Variants in MYH10 observed in about 807,000 individuals in gnomAD.
MYH10 encodes the protein myosin heavy chain 10, also known as myosin-10.
In MYH10, 55 loss-of-function variants were observed where a neutral mutation model predicts 257.8. The observed-to-expected ratio is 0.21, with a 90% CI of 0.17 to 0.27. The LOEUF is 0.27. MYH10 is among the 10% of genes least tolerant of loss of function. The pLI is 1.00. For missense variants in MYH10, 1,631 were observed against 2,500.6 expected, an observed-to-expected ratio of 0.65 and a Z score of 7.42; for synonymous variants, 854 against 921.7, an observed-to-expected ratio of 0.93 and a Z score of 1.33.
At chr17:8,621,927 A>G (rs2085482988) in intron 2 of MYH10, among the ~76,000 whole-genome samples, 1 of 152,198 alleles carries the variant, frequency 6.6e-6, no homozygotes, top group Admixed American at 6.5e-5. Context: ...AAAGGCAGAG[A>G]GACCTGGCCT....
At chr17:8,514,678 C>T (rs1052817825) in intron 21 of MYH10, among the ~76,000 whole-genome samples, 3 of 151,926 alleles carry the variant, frequency 2.0e-5, no homozygotes, top group African/African-American at 4.8e-5. Flanking sequence ...CATTACCTTG[C>T]GGTTCCTTCG....
In MYH10 at chr17:8,506,415, C is replaced by T; in HGVS notation, c.3289G>A (p.Asp1097Asn). Residue 1097 changes from aspartate (D) to asparagine (N), a missense_variant, in exon 27 of 43, where the codon GAC (aspartate) becomes AAC (asparagine). Asp to Asn is a conservative substitution (Grantham distance 23, BLOSUM62 1). Coordinates refer to ENST00000360416, the MANE Select transcript of MYH10 (RefSeq NM_001256012.3). The surrounding 1 kb of genome is among the most constrained non-coding windows in gnomAD (Gnocchi z 5.0). ...AKRKLDGETT[D>N]LQDQIAELQA... ...AGCTCTGCGATCTGGTCCTGCAGGT[C>T]GGTCGTCTCCCCGTCGAGTTTTCTT... The T allele has an allele frequency of 1.9e-6, 3 of 1,612,756 alleles. No homozygotes were observed. Among genetic ancestry groups the T allele is most frequent in the South Asian group, 1.1e-5 (1 of 90,814 alleles).
At chr17:8,548,260 G>C in intron 11 of MYH10, 53 bp downstream of exon 11, 1 of 1,412,176 alleles carries the variant, frequency 7.1e-7, no homozygotes, top group East Asian at 2.3e-5. Flanking sequence ...CACCTTCTTA[G>C]AGAGCACAAC....
Position 8,504,672 on chromosome 17 carries a change from C to T in MYH10, c.3599+22G>A. Reference sequence around the variant, plus strand: ...GGAGAGGTCGGCAGGCGCCCGGGCCCTGCTTCCTCTCCCACACTCACCGTA... The same window carrying T: ...GGAGAGGTCGGCAGGCGCCCGGGCCTTGCTTCCTCTCCCACACTCACCGTA... On this transcript the variant is annotated intron_variant, in intron 28 of 42. Coordinates refer to ENST00000360416, the MANE Select transcript of MYH10 (RefSeq NM_001256012.3). The surrounding 1 kb of genome is among the most constrained non-coding windows in gnomAD (Gnocchi z 5.6). 6.2e-7 allele frequency: 1 copy of T among 1,607,414 alleles called. No individual in the cohort carries two copies. The highest frequency in any genetic ancestry group is 8.5e-7 in the Non-Finnish European group (1 of 1,175,544).
At chr17:8,484,312 T>G in intron 36 of MYH10, 46 bp from the exon 37 acceptor site, 1 of 1,564,696 alleles carries the variant, frequency 6.4e-7, no homozygotes. Context: ...ATTCTTAGTT[T>G]TAGTTAAAAT....
intron 7 of MYH10, among the ~76,000 whole-genome samples, chr17:8,558,116 A>G (rs2082868566): frequency 6.6e-6 from 1 of 152,222 alleles, no homozygotes; most frequent in Non-Finnish European, 1.5e-5. Flanking sequence ...GTTTTGTTTT[A>G]TGGTGTGGAG....
At chr17:8,549,812 A>C (rs1597802064) in intron 9 of MYH10, among the ~76,000 whole-genome samples, 2 of 148,804 alleles carry the variant, frequency 1.3e-5, no homozygotes, top group African/African-American at 2.5e-5. Context: ...GATTCTCCTG[A>C]CTCAGCCTGC....
At chr17:8,519,184 G>A (rs2081569989) in intron 19 of MYH10, among the ~76,000 whole-genome samples, 2 of 152,196 alleles carry the variant, frequency 1.3e-5, no homozygotes, top group South Asian at 2.1e-4. Context: ...GTAGGTTTAG[G>A]AGGTTGTGGC....
chr17:8,544,999 G>A (rs2082400968), intron 13 of MYH10, among the ~76,000 whole-genome samples: 1 of 152,068 alleles, frequency 6.6e-6, no homozygotes, highest in Non-Finnish European at 1.5e-5. Context: ...ATGGTCTCTC[G>A]ACCTGGCCCC....
Position 8,535,248 on chromosome 17 carries a change from C to T in MYH10, c.1894+139G>A, listed in dbSNP as rs2082109440. On this transcript the variant is annotated intron_variant, in intron 16 of 42. Coordinates refer to ENST00000360416, the MANE Select transcript of MYH10 (RefSeq NM_001256012.3). This position sits in a 1 kb window ranked among gnomAD's most constrained non-coding sequence, Gnocchi z 4.3. ...TTAAAACGGATAAATTCCGATATAA[C>T]GGCAGCCCTGCTCTAGGGAAAGAAA... The T allele has an allele frequency of 1.0e-5, 6 of 583,936 alleles. No homozygotes were observed. Among genetic ancestry groups the T allele is most frequent in the East Asian group, 5.7e-5 (2 of 35,300 alleles). The allele number at this position is 583,936 out of a possible 1,614,324, so 36.2% of individuals were successfully genotyped here. A position where few individuals can be genotyped will look rare whatever the true frequency, so the allele number is the denominator to read the frequency against.
At chr17:8,541,364 A>C (rs766329737) in intron 14 of MYH10, among the ~76,000 whole-genome samples, 18 of 152,222 alleles carry the variant, frequency 1.2e-4, no homozygotes, top group Non-Finnish European at 2.6e-4. Flanking sequence ...GTGGTTAATC[A>C]TGTTTTAGTT....
chr17:8,510,123 C>T (rs1245107854), intron 24 of MYH10, among the ~76,000 whole-genome samples, 174 bp from the exon 25 acceptor site: 1 of 151,548 alleles, frequency 6.6e-6, no homozygotes, highest in African/African-American at 2.4e-5. Flanking sequence ...GCTGCAACCT[C>T]CACCTCCTGG....
Position 8,521,128 on chromosome 17 carries a change from G to C in MYH10, c.2115C>G (p.Asn705Lys). The C allele has an allele frequency of 6.2e-7, 1 of 1,614,232 alleles. No individual in the cohort carries two copies. The highest frequency in any genetic ancestry group is 8.5e-7 in the Non-Finnish European group (1 of 1,180,036). The change falls in exon 18 of 43, where the codon AAC (asparagine) becomes AAG (lysine). Residue 705 changes from asparagine (N) to lysine (K), a missense_variant. Physicochemically the swap from Asn to Lys is moderately conservative, Grantham distance 94. Coordinates refer to ENST00000360416, the MANE Select transcript of MYH10 (RefSeq NM_001256012.3). Reference protein sequence around the residue: ...LMATLRNTNPNFVRCIIPNHE... With the variant: ...LMATLRNTNPKFVRCIIPNHE... ...GATTTGGAATGATACAACGAACAAA[G>C]TTAGGGTTGGTGTTTCGGAGAGTTG...
chr17:8,610,271 C>CAAATAAAAAAAA (rs2084977918), intron 2 of MYH10, among the ~76,000 whole-genome samples: 1 of 45,972 alleles, frequency 2.2e-5, no homozygotes, highest in Non-Finnish European at 3.5e-5. Flanking sequence ...CATAGGATTG[C>CAAATAAAAAAAA]AAAAAAAAAA....
chr17:8,548,354 T>C lies in MYH10; in HGVS notation c.1118A>G (p.Lys373Arg), dbSNP rs140485649. ...VLQFGNISFKKERNTDQASMP... is the reference protein window; with the variant it reads ...VLQFGNISFKRERNTDQASMP... ...GGAAGCTTGATCAGTATTTCTCTCCTTTTTGAAAGAAATATTTCCAAACTG... is the reference window on the plus strand; with the variant it reads ...GGAAGCTTGATCAGTATTTCTCTCCCTTTTGAAAGAAATATTTCCAAACTG... Residue 373 changes from lysine (K) to arginine (R), a missense_variant, in exon 11 of 43, where the codon AAG becomes AGG. Around this residue, in one of 11 missense-constraint regions of MYH10, gnomAD observed 360 missense variants for 581.9 expected, o/e 0.62. Transcript: ENST00000360416. 44 of 1,613,156 alleles carry C rather than the reference T, an allele frequency of 2.7e-5. 1 individual carries two copies. In the African/African-American group the frequency reaches 4.5e-4, roughly 17 times the overall value.
At chr17:8,602,384 A>G (rs1185549673) in intron 3 of MYH10, among the ~76,000 whole-genome samples, 1 of 152,226 alleles carries the variant, frequency 6.6e-6, no homozygotes, top group Non-Finnish European at 1.5e-5. Flanking sequence ...GTCCTTGGTC[A>G]GGCTACTGAT....
chr17:8,483,074 A>G (rs955799779), intron 37 of MYH10, among the ~76,000 whole-genome samples: 4 of 152,234 alleles, frequency 2.6e-5, no homozygotes, highest in Admixed American at 1.3e-4. Context: ...AAACAAGCAA[A>G]TGCCATACAT....
At chr17:8,591,591 G>A (rs968120883) in intron 3 of MYH10, among the ~76,000 whole-genome samples, 38 of 152,058 alleles carry the variant, frequency 2.5e-4, no homozygotes, top group African/African-American at 8.2e-4. Context: ...ATGGTTTTTC[G>A]AAAGTAGTTT....
At chr17:8,595,466 CTT>C (rs1013351475) in intron 3 of MYH10, among the ~76,000 whole-genome samples, 2 of 112,656 alleles carry the variant, frequency 1.8e-5, no homozygotes, top group South Asian at 5.7e-4. Context: ...GAGTTTTGCT[CTT>C]GTCACCCAGG....
Sources: allele counts gnomAD v4.1 joint callset (sites outside exome capture counted in the v4.1 genomes callset), GRCh38; gene constraint gnomAD v4.1.1; regional missense constraint gnomAD v4.1.1; non-coding constraint Gnocchi (gnomAD v3.1); transcripts MANE v1.5; gene names NCBI Gene and HGNC (gene_info 2026-07-23, HGNC 2026-07-21).